IGSF11: variants seen among roughly 807,000 people sequenced by gnomAD.
The protein encoded by IGSF11 is immunoglobulin superfamily member 11.
A neutral mutation model predicts 41.0 loss-of-function variants in IGSF11; 22 were observed. The observed-to-expected ratio is 0.54, with a 90% CI of 0.38 to 0.77. IGSF11 has a LOEUF of 0.77. IGSF11 is among the 30% of genes least tolerant of loss of function. IGSF11 has a pLI of 0.00. For synonymous variants in IGSF11, 219 were observed against 201.3 expected (o/e 1.09, Z -0.74); for missense variants, 444 against 530.8 (o/e 0.84, Z 1.61).
intron 1 of IGSF11, among the ~76,000 whole-genome samples, chr3:118,940,585 T>C (rs1246322738): frequency 6.6e-6 from 1 of 152,050 alleles, no homozygotes; most frequent in African/African-American, 2.4e-5. Context: ...TCAATACTGT[T>C]AGGAGGTCAA....
Position 119,053,004 on chromosome 3 carries a change from T to A in IGSF11, c.49+52140A>T, listed in dbSNP as rs114786484. ...ATACAAGGGACATACCTAACTGTAA[T>A]AAAAGCCATCTGTGACAAACCCACA... On this transcript the variant is annotated intron_variant, in intron 1 of 6. Coordinates refer to the IGSF11 transcript ENST00000354673. Among the ~76,000 whole-genome samples, 775 of 152,290 alleles carry A rather than the reference T, an allele frequency of 5.1e-3. 12 individuals are homozygous for A. The highest frequency in any genetic ancestry group is 0.017 in the African/African-American group (708 of 41,550).
At chr3:119,123,865 C>G (rs953231429) in intron 1 of IGSF11, among the ~76,000 whole-genome samples, 1 of 152,132 alleles carries the variant, frequency 6.6e-6, no homozygotes, top group Non-Finnish European at 1.5e-5. Context: ...CTTTTGATTA[C>G]AGGGAAAACC....
chr3:119,130,690 T>A (rs2077470018), intron 1 of IGSF11, among the ~76,000 whole-genome samples: 1 of 151,938 alleles, frequency 6.6e-6, no homozygotes, highest in South Asian at 2.1e-4. Context: ...GTCTGACAGC[T>A]CTGAAGAGAG....
chr3:119,083,427 T>G (rs2076616947), intron 1 of IGSF11, among the ~76,000 whole-genome samples: 1 of 152,054 alleles, frequency 6.6e-6, no homozygotes, highest in Non-Finnish European at 1.5e-5. Context: ...TAGTAGTTTA[T>G]TCCCACCTCC....
intron 1 of IGSF11, among the ~76,000 whole-genome samples, chr3:119,118,907 T>C (rs1377962086): frequency 6.6e-6 from 1 of 152,230 alleles, no homozygotes; most frequent in Non-Finnish European, 1.5e-5. Context: ...TGTGCTAAAA[T>C]GTAACAAGAA....
At chr3:119,034,994 C>T (rs1297581654), upstream of IGSF11, 1 of 261,612 alleles carries the variant, frequency 3.8e-6, no homozygotes, top group East Asian at 1.6e-4. Context: ...TGGCGGCCCA[C>T]CCGCGGAGCA....
chr3:119,126,148 C>T (rs1383697965), intron 1 of IGSF11, among the ~76,000 whole-genome samples: 1 of 152,232 alleles, frequency 6.6e-6, no homozygotes. Context: ...AAGAGTGACA[C>T]CCATTTCTAT....
chr3:118,911,172 T>C (rs1940229480), intron 4 of IGSF11, among the ~76,000 whole-genome samples: 1 of 151,908 alleles, frequency 6.6e-6, no homozygotes, highest in Non-Finnish European at 1.5e-5. Context: ...CACAAATTAA[T>C]ACAGTTATAA....
At chr3:119,034,493 C>T (rs1176801443) in intron 1 of IGSF11, 38 bp downstream of exon 1, 4 of 1,520,272 alleles carry the variant, frequency 2.6e-6, no homozygotes, top group Non-Finnish European at 2.7e-6. Flanking sequence ...GCCGACCCGG[C>T]CTGGCCCCAC....
intron 4 of IGSF11, among the ~76,000 whole-genome samples, chr3:118,913,760 C>T (rs538789697): frequency 3.3e-5 from 5 of 151,880 alleles, no homozygotes; most frequent in African/African-American, 9.7e-5. Flanking sequence ...TAAATAAAAC[C>T]GTAATGTATA....
chr3:119,101,249 C>T (rs1398454408), intron 1 of IGSF11, among the ~76,000 whole-genome samples: 2 of 152,168 alleles, frequency 1.3e-5, no homozygotes, highest in Non-Finnish European at 2.9e-5. Context: ...GTGGCTCACA[C>T]CTGTAATCCC....
chr3:119,056,385 A>C (rs1287127231), intron 1 of IGSF11, among the ~76,000 whole-genome samples: 1 of 152,226 alleles, frequency 6.6e-6, no homozygotes, highest in Non-Finnish European at 1.5e-5. Flanking sequence ...AAATGGATAA[A>C]TTCCTCGACA....
chr3:119,055,416 C>T (rs529235919), intron 1 of IGSF11, among the ~76,000 whole-genome samples: 16 of 152,154 alleles, frequency 1.1e-4, no homozygotes, highest in Non-Finnish European at 2.4e-4. Flanking sequence ...ACAAGAAGAG[C>T]TAACTATCCT....
intron 1 of IGSF11, among the ~76,000 whole-genome samples, chr3:118,996,660 T>C (rs1008148023): frequency 5.3e-5 from 8 of 151,990 alleles, no homozygotes; most frequent in Non-Finnish European, 1.2e-4. Context: ...AGTGCAGTGG[T>C]GCGATCTCGG....
At chr3:119,141,107 A>G (rs2077642816) in intron 1 of IGSF11, among the ~76,000 whole-genome samples, 1 of 151,538 alleles carries the variant, frequency 6.6e-6, no homozygotes, top group African/African-American at 2.4e-5. Context: ...AGATAAATCA[A>G]CAGAAAAAAT....
intron 1 of IGSF11, among the ~76,000 whole-genome samples, chr3:119,050,344 C>T (rs1235422538): frequency 6.6e-6 from 1 of 152,164 alleles, no homozygotes; most frequent in Non-Finnish European, 1.5e-5. Flanking sequence ...AGGACGTGAA[C>T]AGACACTTCT....
chr3:119,118,407 C>T (rs1179423395), intron 1 of IGSF11, among the ~76,000 whole-genome samples: 2 of 152,212 alleles, frequency 1.3e-5, no homozygotes, highest in Admixed American at 6.5e-5. Flanking sequence ...GAAGCCACGG[C>T]CTGAGCTCAA....
chr3:119,101,344 T>C (rs929636955), intron 1 of IGSF11, among the ~76,000 whole-genome samples: 3 of 152,072 alleles, frequency 2.0e-5, no homozygotes, highest in African/African-American at 7.2e-5. Flanking sequence ...ACCCTGTCTC[T>C]ACTAAAAATA....
At chr3:119,012,046 C>T (rs1456252288) in intron 1 of IGSF11, among the ~76,000 whole-genome samples, 1 of 151,318 alleles carries the variant, frequency 6.6e-6, no homozygotes. Flanking sequence ...AGAGAGAGAG[C>T]GTGAGTGCGA....
Sources: allele counts gnomAD v4.1 joint callset (sites outside exome capture counted in the v4.1 genomes callset), GRCh38; gene constraint gnomAD v4.1.1; transcripts MANE v1.5; gene names NCBI Gene and HGNC (gene_info 2026-07-23, HGNC 2026-07-21).